Variants in NTN4 observed in about 807,000 individuals in gnomAD.
The protein encoded by NTN4 is netrin 4, also known as netrin-4.
A neutral mutation model predicts 73.6 loss-of-function variants in NTN4; 32 were observed. The ratio of observed to expected loss-of-function variants is 0.44; its 90% CI spans 0.33 to 0.58. The LOEUF (loss-of-function observed/expected upper bound fraction) is 0.58, where lower values mean the gene tolerates loss of function less well. Ranked by LOEUF, NTN4 falls within the 20% of genes least tolerant of loss-of-function variation. The pLI, the probability that NTN4 is intolerant of heterozygous loss-of-function variation, is 0.04. For missense variants in NTN4, 654 were observed against 798.3 expected, an observed-to-expected ratio of 0.82 and a Z score of 2.18; for synonymous variants, 258 against 287.5, an observed-to-expected ratio of 0.90 and a Z score of 1.04.
At chr12:95,755,305 C>T (rs1049694683) in intron 2 of NTN4, among the ~76,000 whole-genome samples, 15 of 152,284 alleles carry the variant, frequency 9.9e-5, no homozygotes, top group East Asian at 3.9e-4. Context: ...TGTTCTGAAA[C>T]GGGCTTTCTG....
intron 2 of NTN4, among the ~76,000 whole-genome samples, chr12:95,751,183 C>A (rs1371477028): frequency 6.6e-6 from 1 of 152,066 alleles, no homozygotes; most frequent in Admixed American, 6.5e-5. Context: ...GCCCTCAAAC[C>A]CCACAACAGG....
chr12:95,761,464 G>T (rs1260065777), intron 2 of NTN4, among the ~76,000 whole-genome samples: 1 of 151,730 alleles, frequency 6.6e-6, no homozygotes. Context: ...CAGAGTAGCT[G>T]GGGTTACAGG....
chr12:95,789,142 T>TA lies in NTN4; in HGVS notation c.55+1112dup, dbSNP rs2079189681. Among the ~76,000 whole-genome samples the TA allele has an allele frequency of 6.6e-6, 1 of 152,118 alleles. No homozygotes were observed. The highest frequency in any genetic ancestry group is 2.4e-5 in the African/African-American group (1 of 41,418). Reference sequence around the variant, plus strand: ...CAGATAAAGAATCCATGGGGCAAAATACTTGGAGTCACTCAAGGGACTATT... The same window carrying TA: ...CAGATAAAGAATCCATGGGGCAAAATAACTTGGAGTCACTCAAGGGACTATT... On this transcript the variant is annotated intron_variant, in intron 1 of 9. Transcript: ENST00000343702. The surrounding 1 kb of genome is among the most constrained non-coding windows in gnomAD (Gnocchi z 4.0).
At chr12:95,760,229 A>G (rs1023692677) in intron 2 of NTN4, among the ~76,000 whole-genome samples, 1 of 152,182 alleles carries the variant, frequency 6.6e-6, no homozygotes, top group Non-Finnish European at 1.5e-5. Flanking sequence ...GCTCTACCAG[A>G]TGCCTGTGAA....
intron 2 of NTN4, among the ~76,000 whole-genome samples, chr12:95,741,438 TA>T (rs1565903669): frequency 0.056 from 5,657 of 100,938 alleles, 516 homozygotes; most frequent in Non-Finnish European, 0.089. Context: ...TATATATATA[TA>T]TATATATATA....
chr12:95,684,326 T>C (rs141627653), intron 5 of NTN4, among the ~76,000 whole-genome samples: 5 of 150,220 alleles, frequency 3.3e-5, no homozygotes, highest in African/African-American at 1.2e-4. Flanking sequence ...TGAGAGAGGG[T>C]CTCACTCTAT....
intron 3 of NTN4, among the ~76,000 whole-genome samples, chr12:95,731,496 G>A (rs1305162045): frequency 6.6e-6 from 1 of 152,116 alleles, no homozygotes; most frequent in East Asian, 1.9e-4. Context: ...AATCTGGGAG[G>A]CAGAGGTTGC....
At chr12:95,759,187 T>C (rs1243287331) in intron 2 of NTN4, among the ~76,000 whole-genome samples, 1 of 152,226 alleles carries the variant, frequency 6.6e-6, no homozygotes, top group African/African-American at 2.4e-5. Context: ...CAGCTTGTTT[T>C]ATTTTTTACT....
chr12:95,713,262 C>A lies in NTN4; in HGVS notation c.941G>T (p.Arg314Leu). 6.2e-7 allele frequency: 1 copy of A among 1,613,506 alleles called. No individual in the cohort carries two copies. Among genetic ancestry groups the A allele is most frequent in the Non-Finnish European group, 8.5e-7 (1 of 1,179,540 alleles). ...TTTGCCATCAGCTGCCTCCCATGGCCGGTCATTGTATAACGGGGCACAGTG... is the reference window on the plus strand; with the variant it reads ...TTTGCCATCAGCTGCCTCCCATGGCAGGTCATTGTATAACGGGGCACAGTG... Reference protein sequence around the residue: ...CQHCAPLYNDRPWEAADGKTG... With the variant: ...CQHCAPLYNDLPWEAADGKTG... The change falls in exon 4 of 10, where the codon CGG becomes CTG. Residue 314 changes from arginine (R) to leucine (L), a missense_variant. Physicochemically the swap from Arg to Leu is moderately radical, Grantham distance 102 (BLOSUM62 -2). Coordinates refer to ENST00000343702, the MANE Select transcript of NTN4 (RefSeq NM_021229.4).
At chr12:95,681,946 A>G (rs1206966863) in intron 7 of NTN4, among the ~76,000 whole-genome samples, 4 of 152,012 alleles carry the variant, frequency 2.6e-5, no homozygotes, top group Non-Finnish European at 5.9e-5. Flanking sequence ...TATAAACATA[A>G]GGAGTTCACA....
Position 95,790,166 on chromosome 12 carries a change from A to T in NTN4, c.55+89T>A. 8.4e-7 allele frequency: 1 copy of T among 1,184,442 alleles called. No individual in the cohort carries two copies. The highest frequency in any genetic ancestry group is 1.2e-6 in the Non-Finnish European group (1 of 852,796). 73.4% of individuals were successfully genotyped at this position (1,184,442 alleles called of 1,614,324 possible). ...CTCGGGAGCAGCGCTCTGCGCTCGC[A>T]GCCCTGGCTCCCCTGCACCCCCGAG... is the stretch of plus-strand genomic sequence containing the variant. On this transcript the variant is annotated intron_variant, in intron 1 of 9. Transcript: ENST00000343702. The surrounding 1 kb of genome is among the most constrained non-coding windows in gnomAD (Gnocchi z 6.5).
At chr12:95,692,040 C>A (rs1198021672) in intron 5 of NTN4, among the ~76,000 whole-genome samples, 3 of 152,016 alleles carry the variant, frequency 2.0e-5, no homozygotes, top group Non-Finnish European at 4.4e-5. Flanking sequence ...TTGAATAGTA[C>A]CTTTTTTTGG....
rs551981969 is a variant in NTN4, at chr12:95,659,293, G to T, written c.1751-71C>A. On this transcript the variant is annotated intron_variant, in intron 9 of 9. Transcript: ENST00000343702. ...GAAGGGAGAGATGTGACTCCAGCAG[G>T]TTTTCTTTTGCATTTATTTTGAGAC... 3.1e-5 allele frequency: 37 copies of T among 1,206,832 alleles called. No individual in the cohort carries two copies. The African/African-American group carries it at 4.3e-4, about 14-fold the overall frequency. The allele number at this position is 1,206,832 out of a possible 1,614,324, so 74.8% of individuals were successfully genotyped here.
intron 7 of NTN4, among the ~76,000 whole-genome samples, chr12:95,681,358 G>A (rs932017209): frequency 1.7e-4 from 26 of 152,220 alleles, no homozygotes; most frequent in African/African-American, 6.3e-4. Context: ...GTACATCGGG[G>A]ACTTCAAAAG....
chr12:95,672,241 C>T, intron 7 of NTN4: 1 of 516,330 alleles, frequency 1.9e-6, no homozygotes. Context: ...GAGGCGGGGG[C>T]AGGGGGCGGG....
At chr12:95,766,222 T>C (rs2079020607) in intron 2 of NTN4, among the ~76,000 whole-genome samples, 1 of 152,250 alleles carries the variant, frequency 6.6e-6, no homozygotes, top group Non-Finnish European at 1.5e-5. Flanking sequence ...AATTATGGGC[T>C]CCTGCCTAGC....
rs971130303 is a variant in NTN4, at chr12:95,737,739, T to C, written c.864+127A>G. ...TAACAGGCACTTTATAGGATGAGTA[T>C]GGAGTCGGAGCTGTGATGGGCAGAG... On this transcript the variant is annotated intron_variant, in intron 3 of 9. Transcript: ENST00000343702. 61 of 796,714 alleles carry C rather than the reference T, an allele frequency of 7.7e-5. No individual in the cohort carries two copies. The East Asian group carries it at 1.2e-3, about 16-fold the overall frequency. 49.4% of individuals were successfully genotyped at this position (796,714 alleles called of 1,614,324 possible). A position where few individuals can be genotyped will look rare whatever the true frequency, so the allele number is the denominator to read the frequency against.
intron 5 of NTN4, among the ~76,000 whole-genome samples, chr12:95,685,174 A>T (rs1211200200): frequency 1.3e-5 from 2 of 152,164 alleles, no homozygotes; most frequent in Non-Finnish European, 2.9e-5. Context: ...CTAGCCCATC[A>T]ACTCTATTTA....
In NTN4 at chr12:95,682,725, A is replaced by G. The variant is rs1407623818; in HGVS notation, c.1492T>C (p.Ser498Pro). 6.2e-7 allele frequency: 1 copy of G among 1,612,528 alleles called. No individual in the cohort carries two copies. The highest frequency in any genetic ancestry group is 2.2e-5 in the East Asian group (1 of 44,810). The change falls in exon 7 of 10, where the codon TCT becomes CCT. Residue 498 changes from serine to proline, a missense_variant. Physicochemically the swap from Ser to Pro is moderately conservative, Grantham distance 74. Transcript: ENST00000343702. ...AWEWEDAQGFSALLHSGKCEC... is the reference protein window; with the variant it reads ...AWEWEDAQGFPALLHSGKCEC... ...ATCTCACCTGAGTGTAGAAGTGCAG[A>G]AAACCCCTGCGCATCCTCCCACTCC... is the stretch of plus-strand genomic sequence containing the variant.
Sources: gnomAD v4.1 joint callset for allele counts (sites outside exome capture counted in the v4.1 genomes callset) on GRCh38, gnomAD v4.1.1 for gene constraint, Gnocchi (gnomAD v3.1) non-coding constraint, MANE v1.5 for transcripts, NCBI Gene and HGNC (gene_info 2026-07-23, HGNC 2026-07-21) for gene names.